The following TTC7B variants were observed in gnomAD, a reference collection of about 807,000 sequenced individuals.
TTC7B encodes tetratricopeptide repeat protein 7B.
In TTC7B, 28 loss-of-function variants were observed where a neutral mutation model predicts 106.8. The ratio of observed to expected loss-of-function variants is 0.26; its 90% CI spans 0.19 to 0.36. The LOEUF (loss-of-function observed/expected upper bound fraction) is 0.36, where lower values mean the gene tolerates loss of function less well. Among genes scored for constraint, TTC7B ranks in the 10% least tolerant of loss-of-function variants. TTC7B has a pLI of 1.00. For synonymous variants in TTC7B, 405 were observed against 430.6 expected, an observed-to-expected ratio of 0.94 and a Z score of 0.74; for missense variants, 862 against 1,076.4, an observed-to-expected ratio of 0.80 and a Z score of 2.79.
At chr14:90,737,542 T>C (rs1889584153) in intron 4 of TTC7B, among the ~76,000 whole-genome samples, 1 of 139,304 alleles carries the variant, frequency 7.2e-6, no homozygotes, top group South Asian at 2.2e-4. Flanking sequence ...TATTGTATGA[T>C]TCTGTTTTTT....
chr14:90,700,118 C>A (rs1178240271), intron 5 of TTC7B, among the ~76,000 whole-genome samples: 2 of 152,222 alleles, frequency 1.3e-5, no homozygotes, highest in African/African-American at 4.8e-5. Context: ...ACTCTCTTAA[C>A]TAGAACAGCC....
intron 3 of TTC7B, among the ~76,000 whole-genome samples, chr14:90,764,445 AG>A (rs1239435794): frequency 1.3e-5 from 2 of 152,124 alleles, no homozygotes; most frequent in Non-Finnish European, 2.9e-5. Flanking sequence ...AAATAATAAA[AG>A]AAAAAAAAAT....
Position 90,528,204 on chromosome 14 carries a change from A to C in TTC7B, c.*13164T>G, listed in dbSNP as rs1889192700. On this transcript the variant is annotated 3_prime_UTR_variant, in exon 20 of 20. Transcript: ENST00000328459. ...CCTCCAATCCCCTGGCTGGCTAAAC[A>C]GCAGCACCAGCTCCTCCTTCTGTCC... The C allele has an allele frequency of 6.6e-6, 1 of 152,188 alleles. No homozygotes were observed. The highest frequency in any genetic ancestry group is 2.4e-5 in the African/African-American group (1 of 41,452). The allele number at this position is 152,188 out of a possible 1,614,324, so 9.4% of individuals were successfully genotyped here.
intron 9 of TTC7B, among the ~76,000 whole-genome samples, chr14:90,675,574 C>T (rs1886799714): frequency 6.6e-6 from 1 of 152,136 alleles, no homozygotes; most frequent in South Asian, 2.1e-4. Context: ...AGTCACCAAA[C>T]CATGGACTAA....
rs75261742 is a variant in TTC7B at position 90,802,457 on chromosome 14, A to G, written c.121+13718T>C. Among the ~76,000 whole-genome samples, 2,424 of 151,908 alleles carry G rather than the reference A, an allele frequency of 0.016. 25 individuals carry two copies. Among genetic ancestry groups the G allele is most frequent in the African/African-American group, 0.028 (1,149 of 41,460 alleles). On this transcript the variant is annotated intron_variant, in intron 1 of 19. Coordinates refer to ENST00000328459, the MANE Select transcript of TTC7B (RefSeq NM_001010854.2). The surrounding 1 kb of genome is among the most constrained non-coding windows in gnomAD (Gnocchi z 4.7). Reference sequence around the variant, plus strand: ...GGCCTCTGAAGGGAGTGAGGGCTCCAAGCAGTGACAGAGGGCGCCAGCAGT... The same window carrying G: ...GGCCTCTGAAGGGAGTGAGGGCTCCGAGCAGTGACAGAGGGCGCCAGCAGT...
intron 19 of TTC7B, among the ~76,000 whole-genome samples, chr14:90,551,475 G>C (rs868183168): frequency 1.3e-5 from 2 of 152,104 alleles, no homozygotes; most frequent in African/African-American, 4.8e-5. Context: ...AGCACAGTTG[G>C]TCTGGCCGTC....
chr14:90,797,850 G>C (rs976586263), intron 1 of TTC7B, among the ~76,000 whole-genome samples: 1 of 152,106 alleles, frequency 6.6e-6, no homozygotes, highest in Middle Eastern at 3.2e-3. Flanking sequence ...CCTGTTAACT[G>C]AGTTATGGTG....
chr14:90,590,926 A>C (rs1891928244), intron 18 of TTC7B, among the ~76,000 whole-genome samples: 2 of 152,210 alleles, frequency 1.3e-5, no homozygotes, highest in African/African-American at 4.8e-5. Flanking sequence ...CCATAGTTCA[A>C]TTCCACCACC....
intron 17 of TTC7B, among the ~76,000 whole-genome samples, chr14:90,597,466 T>C (rs1892251876): frequency 6.6e-6 from 1 of 152,154 alleles, no homozygotes; most frequent in Non-Finnish European, 1.5e-5. Flanking sequence ...GAGACCAGCC[T>C]GGTCAACATA....
chr14:90,600,013 C>T lies in TTC7B; in HGVS notation c.1967-6387G>A, dbSNP rs1282134890. ...CTGCAGACTGCTGGCAGCTCTGTGC[C>T]CTTCTGTCTCTGTGTGTCACCTGTG... On this transcript the variant is annotated intron_variant, in intron 17 of 19. Coordinates refer to ENST00000328459, the MANE Select transcript of TTC7B (RefSeq NM_001010854.2). This position sits in a 1 kb window ranked among gnomAD's most constrained non-coding sequence, Gnocchi z 4.3. 1.3e-5 allele frequency among the ~76,000 whole-genome samples: 2 copies of T among 152,102 alleles called. No homozygotes were observed. The highest frequency in any genetic ancestry group is 2.1e-4 in the South Asian group (1 of 4,812).
At chr14:90,743,021 G>A (rs1465987533) in intron 4 of TTC7B, among the ~76,000 whole-genome samples, 1 of 152,148 alleles carries the variant, frequency 6.6e-6, no homozygotes, top group African/African-American at 2.4e-5. Context: ...TGCCAAGCAC[G>A]GTCCATCAAG....
intron 17 of TTC7B, among the ~76,000 whole-genome samples, chr14:90,610,072 G>C (rs962849606): frequency 6.6e-6 from 1 of 152,198 alleles, no homozygotes; most frequent in Non-Finnish European, 1.5e-5. Flanking sequence ...GTTTAGACTT[G>C]GGTCCAATCC....
chr14:90,761,230 G>A (rs1485782282), intron 3 of TTC7B, among the ~76,000 whole-genome samples: 2 of 151,926 alleles, frequency 1.3e-5, no homozygotes, highest in Non-Finnish European at 2.9e-5. Context: ...TAAGGCATAA[G>A]TGATTACCAG....
chr14:90,784,731 G>A (rs186699823), intron 2 of TTC7B, among the ~76,000 whole-genome samples: 3 of 152,138 alleles, frequency 2.0e-5, no homozygotes, highest in Admixed American at 6.5e-5. Context: ...CCCAAATGCA[G>A]CAGGGAGTCT....
At chr14:90,571,393 T>G (rs1456787238) in intron 19 of TTC7B, among the ~76,000 whole-genome samples, 1 of 152,114 alleles carries the variant, frequency 6.6e-6, no homozygotes, top group African/African-American at 2.4e-5. Flanking sequence ...GAACTGCAGT[T>G]ATAGCGAGGA....
chr14:90,605,621 C>T (rs1195376371), intron 17 of TTC7B: 5 of 1,286,948 alleles, frequency 3.9e-6, no homozygotes, highest in East Asian at 1.1e-4. Context: ...CGGCGGGGAC[C>T]TGCGTCACTG....
intron 3 of TTC7B, among the ~76,000 whole-genome samples, chr14:90,778,816 G>A (rs1891117807): frequency 6.6e-6 from 1 of 152,202 alleles, no homozygotes; most frequent in African/African-American, 2.4e-5. Context: ...TAGCCCATGG[G>A]GACGTTTAGA....
intron 4 of TTC7B, among the ~76,000 whole-genome samples, chr14:90,739,136 T>TA (rs1425915268): frequency 2.6e-5 from 4 of 152,218 alleles, no homozygotes; most frequent in African/African-American, 9.7e-5. Flanking sequence ...TGTAACCTCC[T>TA]ACTCCAGGCT....
intron 7 of TTC7B, among the ~76,000 whole-genome samples, chr14:90,684,308 C>T (rs932365940): frequency 3.9e-5 from 6 of 152,164 alleles, no homozygotes; most frequent in Non-Finnish European, 8.8e-5. Context: ...GCTACCTCAA[C>T]TGCTTCTTAC....
Sources: gnomAD v4.1 joint callset for allele counts (sites outside exome capture counted in the v4.1 genomes callset) on GRCh38, gnomAD v4.1.1 for gene constraint, Gnocchi (gnomAD v3.1) non-coding constraint, MANE v1.5 for transcripts, NCBI Gene and HGNC (gene_info 2026-07-23, HGNC 2026-07-21) for gene names.